Variants in SP100 observed in about 807,000 individuals in gnomAD.
SP100 encodes the protein nuclear autoantigen Sp-100.
In SP100, 84 loss-of-function variants were observed where a neutral mutation model predicts 130.0. The ratio of observed to expected loss-of-function variants is 0.65; its 90% CI spans 0.54 to 0.77. The LOEUF (loss-of-function observed/expected upper bound fraction) is 0.77. Ranked by LOEUF, SP100 falls within the 30% of genes least tolerant of loss-of-function variation. SP100 has a pLI of 0.00. For missense variants in SP100, 978 were observed against 1,052.2 expected, an observed-to-expected ratio of 0.93 and a Z score of 0.97; for synonymous variants, 331 against 351.7, an observed-to-expected ratio of 0.94 and a Z score of 0.66.
chr2:230,427,163 C>T (rs572175068), intron 2 of SP100, among the ~76,000 whole-genome samples: 8 of 152,002 alleles, frequency 5.3e-5, no homozygotes, highest in African/African-American at 1.7e-4. Context: ...GAGTCTCTCT[C>T]TCTCTTTTTT....
At chr2:230,498,181 A>AT (rs962053779) in intron 18 of SP100, among the ~76,000 whole-genome samples, 3 of 152,198 alleles carry the variant, frequency 2.0e-5, no homozygotes, top group African/African-American at 7.2e-5. Context: ...TTCTTACAGT[A>AT]TTCTTTGGGA....
intron 2 of SP100, among the ~76,000 whole-genome samples, chr2:230,433,535 T>C (rs538349040): frequency 1.9e-4 from 29 of 152,180 alleles, no homozygotes; most frequent in Non-Finnish European, 1.2e-4. Context: ...CAAAAGGCCA[T>C]TGGAGATTTT....
intron 8 of SP100, among the ~76,000 whole-genome samples, chr2:230,453,596 T>C (rs908139046): frequency 1.3e-4 from 20 of 152,226 alleles, no homozygotes; most frequent in African/African-American, 4.8e-4. Flanking sequence ...CTTCATTCTA[T>C]TAATGTGGTG....
chr2:230,470,812 C>A (rs2065228555), intron 15 of SP100, among the ~76,000 whole-genome samples: 1 of 151,972 alleles, frequency 6.6e-6, no homozygotes, highest in Non-Finnish European at 1.5e-5. Flanking sequence ...AAGTCAAAGT[C>A]CAAAGAAGAT....
chr2:230,457,426 C>T (rs1399199509), intron 8 of SP100, among the ~76,000 whole-genome samples: 2 of 152,116 alleles, frequency 1.3e-5, no homozygotes, highest in Non-Finnish European at 2.9e-5. Context: ...TGGCCTGAGT[C>T]CTGGGGCTGC....
intron 24 of SP100, among the ~76,000 whole-genome samples, chr2:230,530,653 T>C (rs886498184): frequency 6.6e-6 from 1 of 152,152 alleles, no homozygotes; most frequent in Non-Finnish European, 1.5e-5. Context: ...ACCTACAGAA[T>C]GGGAGAATAT....
chr2:230,501,203 A>G (rs2067000320), intron 19 of SP100, among the ~76,000 whole-genome samples: 1 of 152,172 alleles, frequency 6.6e-6, no homozygotes, highest in Non-Finnish European at 1.5e-5. Flanking sequence ...GATCCGTGCC[A>G]CTGCACTCCA....
At chr2:230,417,528 A>C in intron 1 of SP100, 63 bp from the exon 2 acceptor site, 1 of 1,563,034 alleles carries the variant, frequency 6.4e-7, no homozygotes, top group Non-Finnish European at 8.6e-7. Context: ...TAAACCTTAA[A>C]AATGTAATTA....
chr2:230,526,686 C>A (rs1482123569), intron 24 of SP100, among the ~76,000 whole-genome samples: 1 of 152,120 alleles, frequency 6.6e-6, no homozygotes, highest in Non-Finnish European at 1.5e-5. Flanking sequence ...AGACGAATAG[C>A]TAATTAGAAT....
Position 230,462,911 on chromosome 2 carries a change from T to C in SP100, c.1057+393T>C, listed in dbSNP as rs550909620. On this transcript the variant is annotated intron_variant, in intron 10 of 28. Transcript: ENST00000340126. ...AATATTCCTTTATGGGAAGATGTTA[T>C]TGTCATCTGATCACAAACTTTGAAT... Among the ~76,000 whole-genome samples the C allele has an allele frequency of 4.6e-5, 7 of 152,342 alleles. No homozygotes were observed. The East Asian group carries it at 1.3e-3, about 29-fold the overall frequency.
Position 230,462,807 on chromosome 2 carries a change from T to G in SP100, c.1057+289T>G, listed in dbSNP as rs112206421. ...GGAATAGGCTAGCCAAGTGATGAGT[T>G]TGTTTTTAAAACTAACTAGTTGCTA... On this transcript the variant is annotated intron_variant, in intron 10 of 28. Transcript: ENST00000340126. Among the ~76,000 whole-genome samples the G allele has an allele frequency of 2.0e-3, 301 of 152,344 alleles. 2 individuals are homozygous for G. Among genetic ancestry groups the G allele is most frequent in the African/African-American group, 6.8e-3 (284 of 41,576 alleles).
intron 19 of SP100, among the ~76,000 whole-genome samples, chr2:230,501,406 T>A (rs955620871): frequency 2.0e-5 from 3 of 152,244 alleles, no homozygotes; most frequent in African/African-American, 7.2e-5. Flanking sequence ...GCATGCTTTT[T>A]CTCAGGATAT....
At chr2:230,436,549 C>A (rs2063273277) in intron 2 of SP100, among the ~76,000 whole-genome samples, 1 of 152,136 alleles carries the variant, frequency 6.6e-6, no homozygotes, top group Non-Finnish European at 1.5e-5. Context: ...TGCCTTGGTT[C>A]CCCTTCGCCT....
intron 17 of SP100, among the ~76,000 whole-genome samples, chr2:230,475,968 C>T (rs1649930): frequency 0.86 from 129,991 of 151,904 alleles, 56,361 homozygotes; most frequent in African/African-American, 0.95. Flanking sequence ...AGTTGGGCAA[C>T]GCGATGCCTC....
At chr2:230,528,522 A>G (rs921905775) in intron 24 of SP100, among the ~76,000 whole-genome samples, 7 of 145,096 alleles carry the variant, frequency 4.8e-5, no homozygotes, top group African/African-American at 1.9e-4. Flanking sequence ...AAAGAACTAG[A>G]GAAGCAAGAG....
rs150580629 is a variant in SP100, at chr2:230,543,265, C to G, written c.*319C>G. On this transcript the variant is annotated 3_prime_UTR_variant, in exon 29 of 29. Coordinates refer to ENST00000340126, the MANE Select transcript of SP100 (RefSeq NM_001080391.2). ...CAAGCACAAGACAAGGATTCCCTCT[C>G]TCACCACTCCTATTCAACAAAGTAT... 5.4e-6 allele frequency: 1 copy of G among 185,972 alleles called. No individual in the cohort carries two copies. The highest frequency in any genetic ancestry group is 2.4e-5 in the African/African-American group (1 of 42,270). 11.5% of individuals were successfully genotyped at this position (185,972 alleles called of 1,614,324 possible).
chr2:230,425,511 G>C (rs1394568693), intron 2 of SP100, among the ~76,000 whole-genome samples: 3 of 152,144 alleles, frequency 2.0e-5, no homozygotes, highest in African/African-American at 4.8e-5. Context: ...CTATTAAAAT[G>C]TTCATATGAT....
intron 2 of SP100, among the ~76,000 whole-genome samples, chr2:230,423,993 G>A (rs1465750364): frequency 6.6e-6 from 1 of 152,188 alleles, no homozygotes; most frequent in Admixed American, 6.5e-5. Context: ...ATGATTAAGA[G>A]TGTAGTAACT....
Position 230,469,082 on chromosome 2 carries a change from C to A in SP100, c.1331C>A (p.Pro444His). Residue 444 changes from proline (P) to histidine (H), a missense_variant, in exon 14 of 29, where the codon CCC becomes CAC. Coordinates refer to ENST00000340126, the MANE Select transcript of SP100 (RefSeq NM_001080391.2). ...AGAAGTACATCTACTTGGAGAATAC[C>A]CAGCAGGAAGAGACGTAAGAGCAAT... ...TSRSTSTWRI[P>H]SRKRRFSSSD... 1 of 1,597,956 alleles carries A rather than the reference C, an allele frequency of 6.3e-7. No individual in the cohort carries two copies. The highest frequency in any genetic ancestry group is 8.6e-7 in the Non-Finnish European group (1 of 1,167,750).
Sources: gnomAD v4.1 joint callset for allele counts (sites outside exome capture counted in the v4.1 genomes callset) on GRCh38, gnomAD v4.1.1 for gene constraint, MANE v1.5 for transcripts, NCBI Gene and HGNC (gene_info 2026-07-23, HGNC 2026-07-21) for gene names.